The following HSD17B12 variants were observed in gnomAD, a reference collection of about 807,000 sequenced individuals.
HSD17B12 encodes hydroxysteroid 17-beta dehydrogenase 12, also known as very-long-chain 3-oxoacyl-CoA reductase.
HSD17B12 carries 32 observed loss-of-function variants against 39.3 expected under a neutral mutation model. That is an observed-to-expected ratio of 0.81 (90% CI 0.61 to 1.09). HSD17B12 has a LOEUF of 1.09. Ranked by LOEUF, HSD17B12 falls within the 50% of genes least tolerant of loss-of-function variation. The pLI is 0.00. For synonymous variants in HSD17B12, 150 were observed against 146.7 expected (o/e 1.02, Z -0.16); for missense variants, 342 against 382.9 (o/e 0.89, Z 0.89).
At chr11:43,637,998 A>C in the HSD17B12 span, among the ~76,000 whole-genome samples, 1 of 151,768 alleles carries the variant, frequency 6.6e-6, no homozygotes, top group African/African-American at 2.4e-5. Context: ...CCTCTGTGGC[A>C]TTTGTCAGAA....
intron 3 of HSD17B12, among the ~76,000 whole-genome samples, chr11:43,785,369 G>A (rs1312205490): frequency 6.6e-6 from 1 of 152,100 alleles, no homozygotes; most frequent in African/African-American, 2.4e-5. Flanking sequence ...CAGAACAATA[G>A]GAAAACAGTT....
intron 1 of HSD17B12, among the ~76,000 whole-genome samples, chr11:43,687,301 A>G (rs1949810351): frequency 6.6e-6 from 1 of 152,244 alleles, no homozygotes; most frequent in Non-Finnish European, 1.5e-5. Context: ...AGAGTATGAC[A>G]TAACACTATT....
At chr11:43,677,485 A>G (rs1949702156), upstream of HSD17B12, among the ~76,000 whole-genome samples, 1 of 152,192 alleles carries the variant, frequency 6.6e-6, no homozygotes, top group Non-Finnish European at 1.5e-5. Flanking sequence ...GTACATGTCC[A>G]CAATGTGCAG....
At chr11:43,693,754 A>G (rs1949885081) in intron 1 of HSD17B12, among the ~76,000 whole-genome samples, 1 of 152,226 alleles carries the variant, frequency 6.6e-6, no homozygotes. Flanking sequence ...CTTCAGATTG[A>G]TTTTACTGTA....
intron 3 of HSD17B12, among the ~76,000 whole-genome samples, chr11:43,776,818 A>C (rs968652476): frequency 7.9e-5 from 12 of 152,198 alleles, no homozygotes; most frequent in South Asian, 2.1e-4. Context: ...TCAGCTTTCT[A>C]CATATGGCTA....
the HSD17B12 span, among the ~76,000 whole-genome samples, chr11:43,657,724 T>C: frequency 3.3e-5 from 5 of 152,238 alleles, no homozygotes; most frequent in Non-Finnish European, 7.3e-5. Context: ...ATGTTGAATA[T>C]TGACCCCCAG....
At chr11:43,690,393 TATATA>T (rs1949848634) in intron 1 of HSD17B12, among the ~76,000 whole-genome samples, 3 of 27,754 alleles carry the variant, frequency 1.1e-4, no homozygotes, top group African/African-American at 1.6e-4. Flanking sequence ...TATATATATA[TATATA>T]TATATATTTT....
At chr11:43,706,724 T>TTG (rs1554961267) in intron 1 of HSD17B12, among the ~76,000 whole-genome samples, 2 of 80,300 alleles carry the variant, frequency 2.5e-5, no homozygotes, top group African/African-American at 8.9e-5. Flanking sequence ...GTGTGTGTTG[T>TTG]GGGGGGTGGG....
the HSD17B12 span, among the ~76,000 whole-genome samples, chr11:43,627,015 A>AT: frequency 6.6e-6 from 1 of 152,026 alleles, no homozygotes; most frequent in Admixed American, 6.6e-5. Flanking sequence ...ACTCAGCTCT[A>AT]TCTACCTGAC....
At chr11:43,739,606 A>G (rs1950346329) in intron 1 of HSD17B12, among the ~76,000 whole-genome samples, 1 of 152,168 alleles carries the variant, frequency 6.6e-6, no homozygotes, top group Non-Finnish European at 1.5e-5. Flanking sequence ...TTCTTTTATA[A>G]GGGCCTTAAT....
intron 1 of HSD17B12, among the ~76,000 whole-genome samples, chr11:43,743,351 T>G (rs1315064837): frequency 6.6e-6 from 1 of 152,186 alleles, no homozygotes; most frequent in Non-Finnish European, 1.5e-5. Context: ...ACTTCTGTCA[T>G]CCCTCATCCC....
chr11:43,715,570 A>G (rs1950114126), intron 1 of HSD17B12, among the ~76,000 whole-genome samples: 1 of 152,164 alleles, frequency 6.6e-6, no homozygotes, highest in Non-Finnish European at 1.5e-5. Context: ...CATCTGAGAT[A>G]TTGGTCTAAA....
At chr11:43,567,294 T>G in the HSD17B12 span, among the ~76,000 whole-genome samples, 2 of 152,172 alleles carry the variant, frequency 1.3e-5, no homozygotes, top group Admixed American at 1.3e-4. Context: ...AGCCTCAGCC[T>G]CCGATCTCCT....
At chr11:43,579,687 T>C in the HSD17B12 span, among the ~76,000 whole-genome samples, 1 of 151,966 alleles carries the variant, frequency 6.6e-6, no homozygotes, top group Non-Finnish European at 1.5e-5. Flanking sequence ...GCGCAGACGC[T>C]CGGAGGGTGT....
chr11:43,809,236 C>A (rs1308576772), intron 4 of HSD17B12, among the ~76,000 whole-genome samples: 1 of 152,178 alleles, frequency 6.6e-6, no homozygotes, highest in Non-Finnish European at 1.5e-5. Flanking sequence ...ACGTCCCAGG[C>A]ATTGGGTTAA....
chr11:43,722,229 A>G (rs1950182412), intron 1 of HSD17B12, among the ~76,000 whole-genome samples: 1 of 152,320 alleles, frequency 6.6e-6, no homozygotes, highest in East Asian at 1.9e-4. Context: ...TGCAAAAATA[A>G]GTTTGAAAAT....
intron 7 of HSD17B12, among the ~76,000 whole-genome samples, chr11:43,837,001 T>C (rs2139152): frequency 0.014 from 2,139 of 152,238 alleles, 68 homozygotes; most frequent in African/African-American, 0.047. Flanking sequence ...AAAATCTTAA[T>C]GGGTTTCACA....
At chr11:43,605,024 T>A in the HSD17B12 span, among the ~76,000 whole-genome samples, 1 of 152,176 alleles carries the variant, frequency 6.6e-6, no homozygotes, top group Non-Finnish European at 1.5e-5. Context: ...CTGCTATGTA[T>A]GGAAAACTCC....
intron 3 of HSD17B12, among the ~76,000 whole-genome samples, chr11:43,774,466 G>A (rs1380311424): frequency 6.6e-6 from 1 of 152,032 alleles, no homozygotes; most frequent in Non-Finnish European, 1.5e-5. Flanking sequence ...GCCCCCCACG[G>A]CCTTCCAAAG....
Sources: allele counts gnomAD v4.1 joint callset (sites outside exome capture counted in the v4.1 genomes callset), GRCh38; gene constraint gnomAD v4.1.1; transcripts MANE v1.5; gene names NCBI Gene and HGNC (gene_info 2026-07-23, HGNC 2026-07-21).